TCF20: variants seen among roughly 807,000 people sequenced by gnomAD.
TCF20 encodes SPRE-binding protein.
A neutral mutation model predicts 148.6 loss-of-function variants in TCF20; 3 were observed. The observed-to-expected ratio is 0.02, with a 90% confidence interval of 0.01 to 0.05. The LOEUF is 0.05. Ranked by LOEUF, TCF20 falls within the 10% of genes least tolerant of loss-of-function variation. The pLI is 1.00. For synonymous variants in TCF20, 1,049 were observed against 909.5 expected, an observed-to-expected ratio of 1.15 and a Z score of -2.76; for missense variants, 2,350 against 2,429.3, an observed-to-expected ratio of 0.97 and a Z score of 0.69.
intron 1 of TCF20, among the ~76,000 whole-genome samples, chr22:42,315,540 T>C (rs191852011): frequency 6.6e-6 from 1 of 152,342 alleles, no homozygotes; most frequent in Non-Finnish European, 1.5e-5. Context: ...TTTCACTGGT[T>C]CTACCTCTGG....
chr22:42,244,172 C>G (rs1214540131), intron 1 of TCF20, among the ~76,000 whole-genome samples: 1 of 152,200 alleles, frequency 6.6e-6, no homozygotes, highest in Non-Finnish European at 1.5e-5. Flanking sequence ...CCACTGCCCT[C>G]CAGCCTGGGC....
intron 1 of TCF20, among the ~76,000 whole-genome samples, chr22:42,339,178 G>C (rs1406647117): frequency 6.6e-6 from 1 of 152,180 alleles, no homozygotes; most frequent in Non-Finnish European, 1.5e-5. Context: ...TCAGACTCCT[G>C]GCCTAGCGCT....
At chr22:42,171,507 G>A (rs1228495258) in intron 3 of TCF20, among the ~76,000 whole-genome samples, 1 of 152,172 alleles carries the variant, frequency 6.6e-6, no homozygotes, top group East Asian at 1.9e-4. Flanking sequence ...TGGAGCCCAT[G>A]AGTATCTAAG....
intron 1 of TCF20, among the ~76,000 whole-genome samples, chr22:42,247,056 G>A (rs1924976969): frequency 6.6e-6 from 1 of 151,436 alleles, no homozygotes; most frequent in Non-Finnish European, 1.5e-5. Flanking sequence ...AATTACAAAC[G>A]TCATGAAGGA....
At chr22:42,302,903 T>A (rs1043722857) in intron 1 of TCF20, among the ~76,000 whole-genome samples, 4 of 152,100 alleles carry the variant, frequency 2.6e-5, no homozygotes, top group Non-Finnish European at 5.9e-5. Flanking sequence ...GATGCTGGGG[T>A]GACTATTCAT....
At chr22:42,253,307 T>C (rs555332993) in intron 1 of TCF20, among the ~76,000 whole-genome samples, 2 of 152,184 alleles carry the variant, frequency 1.3e-5, no homozygotes, top group Non-Finnish European at 2.9e-5. Flanking sequence ...TGAGTTGCAC[T>C]GTCACTGGGT....
Position 42,214,382 on chromosome 22 carries a change from C to T in TCF20, c.924G>A (p.Gly308=). 1 of 1,614,062 alleles carries T rather than the reference C, an allele frequency of 6.2e-7. No homozygotes were observed. Among genetic ancestry groups the T allele is most frequent in the Non-Finnish European group, 8.5e-7 (1 of 1,180,022 alleles). ...GCTGCTGCTGCTGCCCCTGTTGGGTCCCTTGTGGAATCTTTGCCTGTTCAA... is the reference window on the plus strand; with the variant it reads ...GCTGCTGCTGCTGCCCCTGTTGGGTTCCTTGTGGAATCTTTGCCTGTTCAA... The part of the protein sequence containing the change: ...KNFEQAKIPQ[G]TQQGQQQQQP... Residue 308 remains glycine (G), a synonymous_variant, in exon 2 of 6, where the codon GGG becomes GGA. Coordinates refer to ENST00000677622, the MANE Select transcript of TCF20 (RefSeq NM_001378418.1).
intron 1 of TCF20, among the ~76,000 whole-genome samples, chr22:42,267,300 A>G (rs771098765): frequency 1.3e-4 from 20 of 152,210 alleles, no homozygotes; most frequent in Non-Finnish European, 2.5e-4. Context: ...AACCAATTTG[A>G]GTAATCGGAG....
chr22:42,244,139 G>C (rs1311042676), intron 1 of TCF20, among the ~76,000 whole-genome samples: 2 of 152,220 alleles, frequency 1.3e-5, no homozygotes, highest in African/African-American at 4.8e-5. Flanking sequence ...AGTGAGTGAA[G>C]CCTGTAGTGA....
chr22:42,215,024 G>T lies in TCF20; in HGVS notation c.282C>A (p.Gly94=). 6.2e-7 allele frequency: 1 copy of T among 1,614,192 alleles called. No individual in the cohort carries two copies. The highest frequency in any genetic ancestry group is 2.2e-5 in the East Asian group (1 of 44,894). Reference sequence around the variant, plus strand: ...TTCCTGTAGTCACGGGGTCTTTGTTGCCTGCCATGTAGTAAAAATCTCCAG... The same window carrying T: ...TTCCTGTAGTCACGGGGTCTTTGTTTCCTGCCATGTAGTAAAAATCTCCAG... ...KEAGDFYYMA[G]NKDPVTTGTP... is the part of the protein sequence containing the mutation. Residue 94 remains glycine, a synonymous_variant, in exon 2 of 6, where the codon GGC becomes GGA. Transcript: ENST00000677622.
In TCF20 at chr22:42,222,178, A is replaced by T. The variant is rs566163012; in HGVS notation, c.-36-6837T>A. 4.4e-4 allele frequency among the ~76,000 whole-genome samples: 67 copies of T among 152,322 alleles called. 2 individuals carry two copies. The South Asian group carries it at 9.7e-3, about 22-fold the overall frequency. On this transcript the variant is annotated intron_variant, in intron 1 of 5. Coordinates refer to ENST00000677622, the MANE Select transcript of TCF20 (RefSeq NM_001378418.1). ...AAAGACAACAAATGCATTTATTATT[A>T]GGCAGTAACTAACTCATTTTCAATG...
chr22:42,222,914 A>G (rs1195724041), intron 1 of TCF20, among the ~76,000 whole-genome samples: 1 of 152,174 alleles, frequency 6.6e-6, no homozygotes, highest in African/African-American at 2.4e-5. Context: ...GCACTTTGGG[A>G]GGCCGAGGCA....
At chr22:42,319,441 C>A (rs1219601037) in intron 1 of TCF20, among the ~76,000 whole-genome samples, 1 of 152,176 alleles carries the variant, frequency 6.6e-6, no homozygotes, top group East Asian at 1.9e-4. Flanking sequence ...AGACAGGGGA[C>A]CTCATCCCAG....
At chr22:42,164,376 G>A (rs1432148726) in intron 5 of TCF20, among the ~76,000 whole-genome samples, 2 of 151,924 alleles carry the variant, frequency 1.3e-5, no homozygotes, top group Non-Finnish European at 1.5e-5. Flanking sequence ...CACCACGCCC[G>A]GCTAATTTTT....
At chr22:42,177,950 G>A (rs5758628) in intron 3 of TCF20, among the ~76,000 whole-genome samples, 2 of 152,160 alleles carry the variant, frequency 1.3e-5, no homozygotes, top group African/African-American at 2.4e-5. Flanking sequence ...CCAGAGAGAC[G>A]AAGCTGTGAT....
intron 4 of TCF20, among the ~76,000 whole-genome samples, 178 bp downstream of exon 4, chr22:42,169,669 G>C (rs904981741): frequency 6.6e-6 from 1 of 152,076 alleles, no homozygotes; most frequent in African/African-American, 2.4e-5. Flanking sequence ...CCCATGCCAC[G>C]GGTCTCCCTT....
chr22:42,295,632 A>C (rs1321732666), intron 1 of TCF20, among the ~76,000 whole-genome samples: 1 of 151,788 alleles, frequency 6.6e-6, no homozygotes, highest in Non-Finnish European at 1.5e-5. Flanking sequence ...TAGTAGAGAC[A>C]GGGTTTCTCC....
At chr22:42,336,909 C>A (rs1428966475) in intron 1 of TCF20, among the ~76,000 whole-genome samples, 1 of 152,210 alleles carries the variant, frequency 6.6e-6, no homozygotes, top group Non-Finnish European at 1.5e-5. Context: ...CCCTGATCAT[C>A]ACCACACAGC....
chr22:42,178,071 G>A (rs184018529), intron 3 of TCF20, among the ~76,000 whole-genome samples: 14 of 152,252 alleles, frequency 9.2e-5, no homozygotes, highest in Admixed American at 5.9e-4. Context: ...CAAAAAATCC[G>A]TGAACTACTG....
Sources: allele counts gnomAD v4.1 joint callset (sites outside exome capture counted in the v4.1 genomes callset), GRCh38; gene constraint gnomAD v4.1.1; transcripts MANE v1.5; gene names NCBI Gene and HGNC (gene_info 2026-07-23, HGNC 2026-07-21).